ADAM23: variants seen among roughly 807,000 people sequenced by gnomAD.
The protein encoded by ADAM23 is ADAM metallopeptidase domain 23, also known as disintegrin and metalloproteinase domain-containing protein 23.
ADAM23 carries 33 observed loss-of-function variants against 120.1 expected under a neutral mutation model. The ratio of observed to expected loss-of-function variants is 0.27; its 90% CI spans 0.21 to 0.37. The LOEUF is 0.37. ADAM23 is among the 10% of genes least tolerant of loss of function. The pLI is 1.00. For synonymous variants in ADAM23, 367 were observed against 375.2 expected (o/e 0.98, Z 0.25); for missense variants, 862 against 1,058.2 (o/e 0.81, Z 2.57).
intron 9 of ADAM23, among the ~76,000 whole-genome samples, chr2:206,551,967 C>A (rs34599143): frequency 0.071 from 10,881 of 152,184 alleles, 426 homozygotes; most frequent in Middle Eastern, 0.11. Context: ...TCATTTTAGA[C>A]AGTAAAGGCT....
At chr2:206,479,630 G>C (rs1443917193) in intron 2 of ADAM23, among the ~76,000 whole-genome samples, 1 of 152,102 alleles carries the variant, frequency 6.6e-6, no homozygotes, top group Non-Finnish European at 1.5e-5. Flanking sequence ...GTATTGAATA[G>C]AGGTTCTGTT....
chr2:206,566,276 A>C (rs957087469), intron 14 of ADAM23, among the ~76,000 whole-genome samples: 1 of 151,412 alleles, frequency 6.6e-6, no homozygotes, highest in Non-Finnish European at 1.5e-5. Flanking sequence ...TTTTCTCAAG[A>C]ATACATTTCT....
intron 2 of ADAM23, 43 bp downstream of exon 2, chr2:206,445,567 G>C: frequency 6.7e-7 from 1 of 1,502,946 alleles, no homozygotes; most frequent in East Asian, 2.3e-5. Context: ...ATCATGAAGA[G>C]TTTTCCTTTG....
intron 3 of ADAM23, among the ~76,000 whole-genome samples, chr2:206,498,521 C>G (rs376544399): frequency 1.3e-5 from 2 of 152,000 alleles, no homozygotes; most frequent in East Asian, 3.9e-4. Flanking sequence ...TAAAGACTTA[C>G]ATGTTAGACC....
At chr2:206,558,239 T>C (rs1426162578) in intron 10 of ADAM23, among the ~76,000 whole-genome samples, 1 of 152,192 alleles carries the variant, frequency 6.6e-6, no homozygotes, top group Non-Finnish European at 1.5e-5. Flanking sequence ...AGAAATTAAA[T>C]ATAGAATATT....
At chr2:206,478,650 C>A (rs372474285) in intron 2 of ADAM23, among the ~76,000 whole-genome samples, 1 of 152,174 alleles carries the variant, frequency 6.6e-6, no homozygotes, top group Non-Finnish European at 1.5e-5. Context: ...TGTCACTGAT[C>A]ATGTCACGTG....
intron 22 of ADAM23, among the ~76,000 whole-genome samples, chr2:206,593,662 C>T (rs1026210002): frequency 7.2e-5 from 11 of 151,966 alleles, no homozygotes; most frequent in South Asian, 2.1e-4. Flanking sequence ...GTTACTTTGA[C>T]GTATACAAGC....
intron 24 of ADAM23, among the ~76,000 whole-genome samples, chr2:206,607,403 GTAGTT>G (rs777704971): frequency 3.3e-5 from 5 of 152,112 alleles, no homozygotes; most frequent in Non-Finnish European, 4.4e-5. Context: ...TTGACAAATG[GTAGTT>G]TTCTGAAAAT....
At chr2:206,552,235 A>C (rs1697542318) in intron 9 of ADAM23, among the ~76,000 whole-genome samples, 2 of 152,182 alleles carry the variant, frequency 1.3e-5, no homozygotes, top group Admixed American at 1.3e-4. Context: ...TGCATTCTCA[A>C]ATAGCTGTTA....
At chr2:206,458,799 G>GAAACC (rs1230235628) in intron 2 of ADAM23, among the ~76,000 whole-genome samples, 1 of 152,074 alleles carries the variant, frequency 6.6e-6, no homozygotes, top group East Asian at 1.9e-4. Context: ...CTCACCAAAC[G>GAAACC]AAACCAAACC....
At chr2:206,615,187 A>G (rs1036309163) in intron 25 of ADAM23, among the ~76,000 whole-genome samples, 2 of 151,880 alleles carry the variant, frequency 1.3e-5, no homozygotes, top group African/African-American at 4.8e-5. Flanking sequence ...TATGTGTATA[A>G]TGTATATTGT....
chr2:206,522,592 C>T (rs1696865729), intron 3 of ADAM23, among the ~76,000 whole-genome samples: 1 of 152,154 alleles, frequency 6.6e-6, no homozygotes, highest in Admixed American at 6.5e-5. Flanking sequence ...CATGGATCCT[C>T]TTCTGTTCTC....
intron 14 of ADAM23, among the ~76,000 whole-genome samples, chr2:206,566,330 C>T (rs184698687): frequency 1.4e-3 from 207 of 152,082 alleles, no homozygotes; most frequent in African/African-American, 4.7e-3. Flanking sequence ...GCAGGTTTCA[C>T]CTACTTCTGT....
At chr2:206,447,725 AAAG>A (rs1385747734) in intron 2 of ADAM23, among the ~76,000 whole-genome samples, 4 of 152,192 alleles carry the variant, frequency 2.6e-5, no homozygotes, top group African/African-American at 9.7e-5. Context: ...GCTTTTATGT[AAAG>A]AAGTTTTTAA....
chr2:206,587,286 A>G (rs1698341082), intron 18 of ADAM23, 39 bp from the exon 19 acceptor site: 2 of 1,493,772 alleles, frequency 1.3e-6, no homozygotes, highest in African/African-American at 2.8e-5. Context: ...GAAGGTACCT[A>G]GCATGCTGAA....
At position 206,592,657 on chromosome 2, in the gene ADAM23, C is replaced by G; in HGVS notation, c.1999C>G (p.Arg667Gly). 6.2e-7 allele frequency: 1 copy of G among 1,613,906 alleles called. No homozygotes were observed. The highest frequency in any genetic ancestry group is 8.5e-7 in the Non-Finnish European group (1 of 1,179,918). The change falls in exon 22 of 26, where the codon CGA becomes GGA. Residue 667 changes from arginine (R) to glycine (G), a missense_variant. Physicochemically the swap from Arg to Gly is moderately radical, Grantham distance 125. Coordinates refer to ENST00000264377, the MANE Select transcript of ADAM23 (RefSeq NM_003812.4). ...CGFLLCTNLT[R>G]APRIGQLQGE... ...ATTCTTACTCTGTACCAATCTTACT[C>G]GAGCTCCACGTATTGGTCAACTTCA...
chr2:206,544,149 A>G (rs991339952), intron 6 of ADAM23, among the ~76,000 whole-genome samples: 2 of 152,226 alleles, frequency 1.3e-5, no homozygotes, highest in Admixed American at 1.3e-4. Context: ...TTTCATTCTT[A>G]CTGTCATCTT....
intron 3 of ADAM23, among the ~76,000 whole-genome samples, chr2:206,505,554 A>G (rs1376684372): frequency 6.6e-6 from 1 of 152,204 alleles, no homozygotes. Flanking sequence ...AACGTCTTAC[A>G]TGACCAGAGT....
At chr2:206,555,300 A>G (rs780347565) in intron 9 of ADAM23, among the ~76,000 whole-genome samples, 1 of 152,130 alleles carries the variant, frequency 6.6e-6, no homozygotes, top group Non-Finnish European at 1.5e-5. Flanking sequence ...TGGCACCACA[A>G]TCCCCCATCC....
Sources: gnomAD v4.1 joint callset for allele counts (sites outside exome capture counted in the v4.1 genomes callset) on GRCh38, gnomAD v4.1.1 for gene constraint, MANE v1.5 for transcripts, NCBI Gene and HGNC (gene_info 2026-07-23, HGNC 2026-07-21) for gene names.